Variants in SLC9B1 observed in about 807,000 individuals in gnomAD.
SLC9B1 encodes the protein sodium/hydrogen exchanger 9B1.
Under a neutral mutation model 51.7 loss-of-function variants are expected in SLC9B1, and 32 were observed. That is an observed-to-expected ratio of 0.62 (90% CI 0.47 to 0.83). The LOEUF (loss-of-function observed/expected upper bound fraction) is 0.83, where lower values mean the gene tolerates loss of function less well. Among genes scored for constraint, SLC9B1 ranks in the 40% least tolerant of loss-of-function variants. SLC9B1 has a pLI of 0.00. For missense variants in SLC9B1, 406 were observed against 613.2 expected, an observed-to-expected ratio of 0.66 and a Z score of 3.57; for synonymous variants, 145 against 212.7, an observed-to-expected ratio of 0.68 and a Z score of 2.77.
chr4:102,896,951 G>A (rs1256736676), downstream of SLC9B1: 2 of 154,506 alleles, frequency 1.3e-5, no homozygotes, highest in East Asian at 3.8e-4. Context: ...GAGAAGACAT[G>A]GATGGTAGGT....
At chr4:102,912,478 T>C (rs922175285) in intron 7 of SLC9B1, among the ~76,000 whole-genome samples, 2 of 151,886 alleles carry the variant, frequency 1.3e-5, no homozygotes, top group African/African-American at 2.4e-5. Context: ...TTGTAATAAG[T>C]AAAAAACAAA....
intron 3 of SLC9B1, among the ~76,000 whole-genome samples, chr4:102,960,835 C>T (rs1397847280): frequency 1.3e-5 from 2 of 151,518 alleles, no homozygotes; most frequent in Admixed American, 6.6e-5. Flanking sequence ...CGGGTTCAAG[C>T]GATTCTCCTG....
rs1307482492 is a variant in SLC9B1, at chr4:102,925,105, C to T, written c.829+7019G>A. On this transcript the variant is annotated intron_variant, in intron 7 of 11. Transcript: ENST00000296422. ...ATGCTGCTATAAAGACACATGCACA[C>T]GTATGTTTATTGTGGCACTATTCAC... 5.3e-5 allele frequency among the ~76,000 whole-genome samples: 8 copies of T among 152,212 alleles called. No individual in the cohort carries two copies. In the South Asian group the frequency reaches 1.5e-3, roughly 28 times the overall value.
chr4:102,984,932 C>T (rs1464851807), intron 3 of SLC9B1, among the ~76,000 whole-genome samples: 1 of 152,186 alleles, frequency 6.6e-6, no homozygotes, highest in Non-Finnish European at 1.5e-5. Flanking sequence ...TCCTCCTATT[C>T]AGCCTCCAGA....
intron 1 of SLC9B1, among the ~76,000 whole-genome samples, chr4:102,993,042 C>T (rs1488751781): frequency 6.6e-6 from 1 of 151,930 alleles, no homozygotes; most frequent in East Asian, 1.9e-4. Context: ...TGTTATAACT[C>T]AAGGTGAGAT....
chr4:103,000,970 C>A (rs1359731678), intron 1 of SLC9B1, among the ~76,000 whole-genome samples: 1 of 152,236 alleles, frequency 6.6e-6, no homozygotes, highest in Non-Finnish European at 1.5e-5. Flanking sequence ...TGAGGCTCCA[C>A]CCCTGTACCA....
chr4:103,009,448 A>G (rs970451054), intron 1 of SLC9B1, among the ~76,000 whole-genome samples: 3 of 152,246 alleles, frequency 2.0e-5, no homozygotes, highest in African/African-American at 7.2e-5. Flanking sequence ...CTCTAAAGAA[A>G]GGTATGCCAA....
intron 3 of SLC9B1, among the ~76,000 whole-genome samples, chr4:102,955,899 A>AAGAAAGAAAG (rs199714147): frequency 1.7e-4 from 18 of 107,956 alleles, no homozygotes; most frequent in East Asian, 7.6e-4. Context: ...GAAAGAAAGA[A>AAGAAAGAAAG]AGAGAGAGAA....
intron 1 of SLC9B1, among the ~76,000 whole-genome samples, chr4:102,992,988 G>C (rs971944796): frequency 6.6e-6 from 1 of 152,142 alleles, no homozygotes; most frequent in Non-Finnish European, 1.5e-5. Context: ...TAACTCACAA[G>C]ATCCAGCTAC....
intron 3 of SLC9B1, among the ~76,000 whole-genome samples, chr4:102,973,847 C>A (rs1216209291): frequency 1.3e-5 from 2 of 152,056 alleles, no homozygotes; most frequent in Non-Finnish European, 2.9e-5. Flanking sequence ...TGAGATAGAG[C>A]TGAGGCAGTA....
At chr4:103,017,998 C>T (rs909272360) in intron 1 of SLC9B1, among the ~76,000 whole-genome samples, 2 of 152,152 alleles carry the variant, frequency 1.3e-5, no homozygotes, top group Non-Finnish European at 2.9e-5. Flanking sequence ...ACAAAAGTGG[C>T]TAAGGTATGG....
At position 102,989,799 on chromosome 4, in the gene SLC9B1, C is replaced by T. The variant is rs751401963; in HGVS notation, c.211+1G>A. ...TCATTTACATTTTTTGTTTCACATA[C>T]CATTTGTAATAATTACATTCAATAC... On this transcript the variant is annotated splice_donor_variant, in intron 3 of 11. Coordinates refer to ENST00000296422, the MANE Select transcript of SLC9B1 (RefSeq NM_139173.4). LOFTEE classifies it high-confidence loss of function. The T allele has an allele frequency of 4.5e-6, 7 of 1,558,496 alleles. No homozygotes were observed. The South Asian group carries it at 7.2e-5, about 16-fold the overall frequency.
downstream of SLC9B1, chr4:102,897,815 G>C (rs530422458): frequency 4.3e-4 from 186 of 434,718 alleles, 1 homozygote; most frequent in Middle Eastern, 2.8e-3. Flanking sequence ...AGCACATTCT[G>C]CAGTTGCCGC....
At chr4:102,994,618 C>T (rs1045834569) in intron 1 of SLC9B1, among the ~76,000 whole-genome samples, 6 of 152,062 alleles carry the variant, frequency 3.9e-5, no homozygotes, top group Admixed American at 1.3e-4. Flanking sequence ...TCCTTTTTCA[C>T]GCTACTACAA....
intron 1 of SLC9B1, among the ~76,000 whole-genome samples, chr4:103,013,895 G>A (rs1185019284): frequency 6.6e-6 from 1 of 152,032 alleles, no homozygotes; most frequent in Admixed American, 6.6e-5. Context: ...TCCAGTCCAG[G>A]CCATAAGCAT....
At chr4:102,902,672 TA>T (rs1230119553) in intron 11 of SLC9B1, among the ~76,000 whole-genome samples, 2 of 152,230 alleles carry the variant, frequency 1.3e-5, no homozygotes, top group African/African-American at 2.4e-5. Flanking sequence ...TCAATTCATT[TA>T]ATTCTTACGA....
intron 7 of SLC9B1, among the ~76,000 whole-genome samples, 175 bp from the exon 8 acceptor site, chr4:102,911,712 G>A (rs375214320): frequency 5.9e-5 from 9 of 151,992 alleles, no homozygotes; most frequent in Admixed American, 2.0e-4. Context: ...TATTTAGTAC[G>A]TTAAATATAT....
chr4:102,988,180 T>G (rs1433504306), intron 3 of SLC9B1, among the ~76,000 whole-genome samples: 1 of 152,136 alleles, frequency 6.6e-6, no homozygotes, highest in Admixed American at 6.6e-5. Context: ...TAAAAATATA[T>G]TAGCATTTTT....
chr4:102,966,891 G>T (rs1490548739), intron 3 of SLC9B1, among the ~76,000 whole-genome samples: 1 of 152,128 alleles, frequency 6.6e-6, no homozygotes, highest in African/African-American at 2.4e-5. Context: ...TTCACTGAAT[G>T]TAGTAAGAAG....
Sources: allele counts gnomAD v4.1 joint callset (sites outside exome capture counted in the v4.1 genomes callset), GRCh38; gene constraint gnomAD v4.1.1; transcripts MANE v1.5; gene names NCBI Gene and HGNC (gene_info 2026-07-23, HGNC 2026-07-21).